Variants in IMMP2L observed in about 807,000 individuals in gnomAD.
IMMP2L encodes the protein inner mitochondrial membrane peptidase subunit 2.
A neutral mutation model predicts 19.3 loss-of-function variants in IMMP2L; 18 were observed. The ratio of observed to expected loss-of-function variants is 0.93; its 90% CI spans 0.64 to 1.38. IMMP2L has a LOEUF of 1.38. IMMP2L is among the 40% of genes most tolerant of loss of function. The pLI is 0.00. For synonymous variants in IMMP2L, 76 were observed against 73.0 expected (o/e 1.04, Z -0.21); for missense variants, 233 against 218.2 (o/e 1.07, Z -0.43).
chr7:111,047,776 G>A (rs887999525), intron 3 of IMMP2L, among the ~76,000 whole-genome samples: 9 of 152,120 alleles, frequency 5.9e-5, no homozygotes, highest in Non-Finnish European at 1.3e-4. Flanking sequence ...CCATTGTTGA[G>A]ACATCAGTCC....
chr7:111,017,858 A>G (rs1412063028), intron 3 of IMMP2L, among the ~76,000 whole-genome samples: 1 of 152,326 alleles, frequency 6.6e-6, no homozygotes, highest in South Asian at 2.1e-4. Flanking sequence ...GAAAATACCC[A>G]TTCAGCAGAA....
intron 5 of IMMP2L, among the ~76,000 whole-genome samples, chr7:110,755,648 TAC>T (rs1797994047): frequency 6.6e-6 from 1 of 152,122 alleles, no homozygotes; most frequent in Non-Finnish European, 1.5e-5. Flanking sequence ...AACAGATCCT[TAC>T]AGTGTTCTAT....
At chr7:111,028,119 A>G (rs1469077809) in intron 3 of IMMP2L, among the ~76,000 whole-genome samples, 1 of 152,158 alleles carries the variant, frequency 6.6e-6, no homozygotes, top group East Asian at 1.9e-4. Context: ...TGGAAGAAAT[A>G]AATTTAAACG....
At chr7:110,979,692 C>CA (rs1020143332) in intron 3 of IMMP2L, among the ~76,000 whole-genome samples, 2 of 151,074 alleles carry the variant, frequency 1.3e-5, no homozygotes, top group African/African-American at 4.9e-5. Flanking sequence ...ACTTAAAAAA[C>CA]AAAACAAAAA....
chr7:110,853,169 T>G (rs182450422), intron 5 of IMMP2L, among the ~76,000 whole-genome samples: 1 of 151,846 alleles, frequency 6.6e-6, no homozygotes, highest in African/African-American at 2.4e-5. Flanking sequence ...TATACAGGCA[T>G]AGAAATAAGA....
chr7:110,917,834 G>C (rs1429010948), intron 4 of IMMP2L, among the ~76,000 whole-genome samples: 1 of 152,102 alleles, frequency 6.6e-6, no homozygotes, highest in African/African-American at 2.4e-5. Flanking sequence ...TTCCCAATTG[G>C]ATAATAAGAA....
At chr7:111,132,433 A>C (rs1801937548) in intron 3 of IMMP2L, among the ~76,000 whole-genome samples, 1 of 152,018 alleles carries the variant, frequency 6.6e-6, no homozygotes, top group Non-Finnish European at 1.5e-5. Flanking sequence ...TAGAAGGTAC[A>C]TCCTGCATAA....
intron 5 of IMMP2L, among the ~76,000 whole-genome samples, chr7:110,716,356 G>C (rs547980118): frequency 6.6e-6 from 1 of 152,080 alleles, no homozygotes; most frequent in African/African-American, 2.4e-5. Flanking sequence ...TTGGTTGGTT[G>C]CTTTGTAGTT....
chr7:111,419,637 A>G (rs1053783047), intron 3 of IMMP2L, among the ~76,000 whole-genome samples: 3 of 151,738 alleles, frequency 2.0e-5, no homozygotes, highest in Non-Finnish European at 2.9e-5. Flanking sequence ...GGACAGAACC[A>G]ATGTTTATCT....
At chr7:111,169,778 GT>G (rs1451922915) in intron 3 of IMMP2L, among the ~76,000 whole-genome samples, 1 of 151,770 alleles carries the variant, frequency 6.6e-6, no homozygotes, top group African/African-American at 2.4e-5. Flanking sequence ...AGGACTTCAT[GT>G]TTTGGGGAGA....
chr7:111,362,421 T>C (rs946990417), intron 3 of IMMP2L, among the ~76,000 whole-genome samples: 2 of 152,066 alleles, frequency 1.3e-5, no homozygotes, highest in African/African-American at 4.8e-5. Flanking sequence ...TAAAATAGTT[T>C]ATAGGCCTCT....
chr7:110,791,799 G>A (rs1236372037), intron 5 of IMMP2L, among the ~76,000 whole-genome samples: 2 of 151,782 alleles, frequency 1.3e-5, no homozygotes, highest in East Asian at 1.9e-4. Context: ...AATGTGTCCA[G>A]CAGACAGGAG....
chr7:110,968,568 G>T (rs79502486), intron 3 of IMMP2L, among the ~76,000 whole-genome samples: 3,344 of 152,188 alleles, frequency 0.022, 57 homozygotes, highest in Admixed American at 0.039. Context: ...AGTTACTCAG[G>T]AGGCTGAGTT....
intron 4 of IMMP2L, among the ~76,000 whole-genome samples, chr7:110,948,402 T>C (rs903717048): frequency 1.3e-5 from 2 of 152,214 alleles, no homozygotes; most frequent in African/African-American, 4.8e-5. Flanking sequence ...AAATTGCTTT[T>C]TTAAAAGTTA....
intron 3 of IMMP2L, among the ~76,000 whole-genome samples, chr7:111,021,284 T>C (rs1826251695): frequency 6.6e-6 from 1 of 152,350 alleles, no homozygotes; most frequent in Non-Finnish European, 1.5e-5. Context: ...TTCTCTTCTA[T>C]TTAGCAAATA....
chr7:111,464,685 C>G (rs895701183), intron 3 of IMMP2L, among the ~76,000 whole-genome samples: 1 of 152,234 alleles, frequency 6.6e-6, no homozygotes, highest in South Asian at 2.1e-4. Flanking sequence ...TTCCCTTGAC[C>G]TACACATTAA....
chr7:110,809,200 G>C (rs1046833608), intron 5 of IMMP2L, among the ~76,000 whole-genome samples: 2 of 151,982 alleles, frequency 1.3e-5, no homozygotes, highest in African/African-American at 2.4e-5. Flanking sequence ...GATTTGGCCT[G>C]TTAATATTCA....
chr7:110,703,560 T>C (rs904324830), intron 5 of IMMP2L, among the ~76,000 whole-genome samples: 5 of 152,312 alleles, frequency 3.3e-5, no homozygotes, highest in African/African-American at 9.6e-5. Flanking sequence ...AGCTCATTTA[T>C]ATTTTAAAAT....
intron 3 of IMMP2L, among the ~76,000 whole-genome samples, chr7:111,138,871 T>C (rs1802600669): frequency 6.6e-6 from 1 of 152,164 alleles, no homozygotes; most frequent in Non-Finnish European, 1.5e-5. Context: ...AAAACTTACT[T>C]GTAAAACCCT....
Sources: gnomAD v4.1 joint callset for allele counts (sites outside exome capture counted in the v4.1 genomes callset) on GRCh38, gnomAD v4.1.1 for gene constraint, MANE v1.5 for transcripts, NCBI Gene and HGNC (gene_info 2026-07-23, HGNC 2026-07-21) for gene names.